The following ST6GAL1 variants were observed in gnomAD, a reference collection of about 807,000 sequenced individuals.
The protein encoded by ST6GAL1 is ST6 beta-galactoside alpha-2,6-sialyltransferase 1, also known as beta-galactoside alpha-2,6-sialyltransferase 1.
ST6GAL1 carries 20 observed loss-of-function variants against 38.0 expected under a neutral mutation model. The observed-to-expected ratio is 0.53, with a 90% CI of 0.37 to 0.77. The LOEUF is 0.77. Ranked by LOEUF, ST6GAL1 falls within the 30% of genes least tolerant of loss-of-function variation. The pLI, the probability that ST6GAL1 is intolerant of heterozygous loss-of-function variation, is 0.00. For synonymous variants in ST6GAL1, 196 were observed against 188.2 expected (o/e 1.04, Z -0.34); for missense variants, 432 against 496.4 (o/e 0.87, Z 1.23).
At chr3:187,057,099 A>T in intron 5 of ST6GAL1, among the ~76,000 whole-genome samples, 1 of 152,088 alleles carries the variant, frequency 6.6e-6, no homozygotes, top group Non-Finnish European at 1.5e-5. Flanking sequence ...CGCATTGGCT[A>T]TTGAAGCTTG....
intron 2 of ST6GAL1, among the ~76,000 whole-genome samples, chr3:187,022,337 G>T (rs563944722): frequency 6.6e-6 from 1 of 152,054 alleles, no homozygotes; most frequent in African/African-American, 2.4e-5. Flanking sequence ...GCTACAGAGA[G>T]TTTTCCCTAC....
At chr3:187,020,996 G>C (rs562879472) in intron 2 of ST6GAL1, among the ~76,000 whole-genome samples, 2 of 150,340 alleles carry the variant, frequency 1.3e-5, no homozygotes, top group East Asian at 3.9e-4. Flanking sequence ...ATGGAGTCTC[G>C]CTCTGTCACC....
At chr3:186,949,134 T>C (rs1579262624) in intron 1 of ST6GAL1, among the ~76,000 whole-genome samples, 1 of 151,818 alleles carries the variant, frequency 6.6e-6, no homozygotes, top group Non-Finnish European at 1.5e-5. Flanking sequence ...AGCAGGCGGG[T>C]GAAAGAGGGA....
At position 187,039,313 on chromosome 3, in the gene ST6GAL1, C is replaced by G. The variant is rs371856469; in HGVS notation, c.-51+440C>G. 9.2e-5 allele frequency among the ~76,000 whole-genome samples: 14 copies of G among 152,310 alleles called. No individual in the cohort carries two copies. In the South Asian group the frequency reaches 2.5e-3, roughly 27 times the overall value. On this transcript the variant is annotated intron_variant, in intron 3 of 7. Transcript: ENST00000169298. ...AAGCCTCGTGATGATTGTAAAGATTCTCTGATACAATTGCATCAGTTCAAT... is the reference window on the plus strand; with the variant it reads ...AAGCCTCGTGATGATTGTAAAGATTGTCTGATACAATTGCATCAGTTCAAT...
intron 4 of ST6GAL1, among the ~76,000 whole-genome samples, chr3:187,048,689 G>A (rs923771007): frequency 6.6e-6 from 1 of 152,110 alleles, no homozygotes; most frequent in Non-Finnish European, 1.5e-5. Flanking sequence ...CGTCTCCCGT[G>A]TCTAAAACTG....
intron 2 of ST6GAL1, among the ~76,000 whole-genome samples, chr3:187,014,882 G>T (rs1717067992): frequency 2.0e-5 from 3 of 152,190 alleles, no homozygotes; most frequent in African/African-American, 4.8e-5. Flanking sequence ...GTTCTTGCTT[G>T]ACACATGACA....
chr3:187,066,492 T>C lies in ST6GAL1; in HGVS notation c.706-6357T>C, dbSNP rs531582347. Among the ~76,000 whole-genome samples the C allele has an allele frequency of 5.3e-5, 8 of 151,980 alleles. No homozygotes were observed. The South Asian group carries it at 1.5e-3, about 28-fold the overall frequency. On this transcript the variant is annotated intron_variant, in intron 5 of 7. Transcript: ENST00000169298. ...CACATTAGGGATTAGGGCTTCAACA[T>C]AGGAATTCTGGGGGCACACAATTCA...
intron 2 of ST6GAL1, among the ~76,000 whole-genome samples, chr3:186,978,937 A>G (rs755734246): frequency 6.6e-6 from 1 of 151,526 alleles, no homozygotes; most frequent in Non-Finnish European, 1.5e-5. Context: ...TCAAACTTCA[A>G]AACCCAGGAT....
chr3:186,960,425 G>A (rs113590186), intron 1 of ST6GAL1, among the ~76,000 whole-genome samples: 85 of 152,288 alleles, frequency 5.6e-4, no homozygotes, highest in Admixed American at 1.4e-3. Flanking sequence ...GCTGGGCCTC[G>A]AGAGGAAAGT....
chr3:186,942,723 C>T (rs1251091513), intron 1 of ST6GAL1, among the ~76,000 whole-genome samples: 2 of 152,132 alleles, frequency 1.3e-5, no homozygotes, highest in African/African-American at 2.4e-5. Context: ...CCTGATTAGG[C>T]ATGTTGTGTG....
chr3:187,013,332 T>C (rs1717017570), intron 2 of ST6GAL1, among the ~76,000 whole-genome samples: 1 of 152,224 alleles, frequency 6.6e-6, no homozygotes. Context: ...AAATAGGGAC[T>C]ATTAAGCCCT....
In ST6GAL1 at chr3:186,949,721, A is replaced by G. The variant is rs541994287; in HGVS notation, c.-324-14064A>G. Reference sequence around the variant, plus strand: ...AAAGACCTTATCATTCGGAAAAAAAACCACATGCTTTGTAGCCAGACAGAC... The same window carrying G: ...AAAGACCTTATCATTCGGAAAAAAAGCCACATGCTTTGTAGCCAGACAGAC... On this transcript the variant is annotated intron_variant, in intron 1 of 7. Coordinates refer to ENST00000169298, the MANE Select transcript of ST6GAL1 (RefSeq NM_173216.2). Among the ~76,000 whole-genome samples, 8 of 152,328 alleles carry G rather than the reference A, an allele frequency of 5.3e-5. 1 individual carries two copies. The highest frequency in any genetic ancestry group is 5.2e-4 in the Admixed American group (8 of 15,298).
At chr3:187,065,039 T>C (rs1719052061) in intron 5 of ST6GAL1, among the ~76,000 whole-genome samples, 1 of 151,202 alleles carries the variant, frequency 6.6e-6, no homozygotes, top group Non-Finnish European at 1.5e-5. Context: ...GTTTTGCTCT[T>C]GCGCTCAGGC....
At position 187,042,997 on chromosome 3, in the gene ST6GAL1, G is replaced by A. The variant is rs1255649567; in HGVS notation, c.294G>A (p.Lys98=). The A allele has an allele frequency of 4.3e-6, 7 of 1,614,134 alleles. No individual in the cohort carries two copies. Among genetic ancestry groups the A allele is most frequent in the African/African-American group, 1.3e-5 (1 of 75,018 alleles). The change falls in exon 4 of 8, where the codon AAG becomes AAA. Residue 98 remains lysine, a synonymous_variant. Coordinates refer to ENST00000169298, the MANE Select transcript of ST6GAL1 (RefSeq NM_173216.2). ...KPEASFQVWN[K]DSSSKNLIPR... ...AGGCCTCCTTCCAGGTGTGGAACAAGGACAGCTCTTCCAAAAACCTTATCC... is the reference window on the plus strand; with the variant it reads ...AGGCCTCCTTCCAGGTGTGGAACAAAGACAGCTCTTCCAAAAACCTTATCC...
At chr3:187,060,939 C>G (rs1022333189) in intron 5 of ST6GAL1, among the ~76,000 whole-genome samples, 2 of 152,184 alleles carry the variant, frequency 1.3e-5, no homozygotes, top group African/African-American at 4.8e-5. Flanking sequence ...ACACATCTTA[C>G]TTTGTCCCTT....
At chr3:186,937,344 C>T (rs900559108) in intron 1 of ST6GAL1, among the ~76,000 whole-genome samples, 1 of 152,128 alleles carries the variant, frequency 6.6e-6, no homozygotes, top group Non-Finnish European at 1.5e-5. Context: ...CCACCATTGC[C>T]TCAGGTGTTC....
chr3:187,037,653 A>G (rs576917014), intron 2 of ST6GAL1, among the ~76,000 whole-genome samples: 218 of 152,040 alleles, frequency 1.4e-3, no homozygotes, highest in African/African-American at 5.2e-3. Flanking sequence ...CTCATAGCTC[A>G]CTGCAGCCTC....
chr3:186,965,601 G>T (rs1373020382), intron 2 of ST6GAL1, among the ~76,000 whole-genome samples: 3 of 152,188 alleles, frequency 2.0e-5, no homozygotes, highest in Non-Finnish European at 2.9e-5. Context: ...AGAACCTCAG[G>T]CCACTGAGCT....
intron 5 of ST6GAL1, chr3:187,064,642 C>T (rs1445621373): frequency 4.4e-6 from 2 of 456,164 alleles, no homozygotes; most frequent in Middle Eastern, 3.6e-4. Flanking sequence ...TTTCTCACCT[C>T]CTGTAAGCAA....
Sources: allele counts gnomAD v4.1 joint callset (sites outside exome capture counted in the v4.1 genomes callset), GRCh38; gene constraint gnomAD v4.1.1; transcripts MANE v1.5; gene names NCBI Gene and HGNC (gene_info 2026-07-23, HGNC 2026-07-21).